The following RMST variants were observed in gnomAD, a reference collection of about 807,000 sequenced individuals.
The protein encoded by RMST is long intergenic non-protein coding RNA 54.
At chr12:97,534,707 G>A (rs755170356) in intron 11 of RMST, among the ~76,000 whole-genome samples, 13 of 151,652 alleles carry the variant, frequency 8.6e-5, no homozygotes, top group African/African-American at 1.9e-4. Flanking sequence ...TCTATCAATC[G>A]GTTTCCACCT....
chr12:97,540,929 G>A (rs1365512597), intron 11 of RMST, among the ~76,000 whole-genome samples: 2 of 136,238 alleles, frequency 1.5e-5, no homozygotes, highest in Non-Finnish European at 3.2e-5. Context: ...TAGATAAATA[G>A]ATAGAGAGAT....
intron 10 of RMST, among the ~76,000 whole-genome samples, chr12:97,507,296 A>AT (rs1250849605): frequency 6.6e-6 from 1 of 151,366 alleles, no homozygotes; most frequent in Non-Finnish European, 1.5e-5. Context: ...TTAAAAAAAA[A>AT]AAGATGGCTA....
chr12:97,518,129 T>A (rs945164455), intron 10 of RMST, among the ~76,000 whole-genome samples: 1 of 152,182 alleles, frequency 6.6e-6, no homozygotes, highest in Non-Finnish European at 1.5e-5. Flanking sequence ...TTATCAGAGA[T>A]AAAGTAGAGC....
intron 5 of RMST, among the ~76,000 whole-genome samples, chr12:97,476,739 T>A (rs184859136): frequency 2.6e-5 from 4 of 152,116 alleles, no homozygotes; most frequent in Admixed American, 6.6e-5. Context: ...TGGACAGTAC[T>A]CCAAAAGGCT....
intron 10 of RMST, among the ~76,000 whole-genome samples, chr12:97,524,172 G>A (rs1367776165): frequency 1.3e-5 from 2 of 149,248 alleles, no homozygotes; most frequent in Non-Finnish European, 3.0e-5. Flanking sequence ...TGTAACATCC[G>A]TGGTGGAATA....
chr12:97,474,788 C>T (rs1874351408), intron 5 of RMST, among the ~76,000 whole-genome samples: 1 of 152,072 alleles, frequency 6.6e-6, no homozygotes, highest in South Asian at 2.1e-4. Flanking sequence ...TTCACTTTCA[C>T]TTGCTGGATC....
chr12:97,552,340 A>T (rs539601195), intron 11 of RMST: 2 of 152,344 alleles, frequency 1.3e-5, no homozygotes, highest in Non-Finnish European at 2.9e-5. Flanking sequence ...AAGTGAAATA[A>T]AATTAGCCAA....
At chr12:97,505,323 G>A (rs531285222) in intron 10 of RMST, among the ~76,000 whole-genome samples, 1 of 152,362 alleles carries the variant, frequency 6.6e-6, no homozygotes, top group East Asian at 1.9e-4. Context: ...CGTCAAATAA[G>A]TGGCTGCTTG....
chr12:97,481,421 TA>T (rs1428207511), intron 5 of RMST, among the ~76,000 whole-genome samples: 1 of 152,234 alleles, frequency 6.6e-6, no homozygotes, highest in African/African-American at 2.4e-5. Flanking sequence ...AGGTCTATTT[TA>T]TGTTAGCTTT....
At chr12:97,478,202 T>A (rs1489730601) in intron 5 of RMST, among the ~76,000 whole-genome samples, 2 of 152,258 alleles carry the variant, frequency 1.3e-5, no homozygotes, top group Non-Finnish European at 2.9e-5. Flanking sequence ...GAAGGCTCTT[T>A]GTATAGCTAT....
At chr12:97,511,783 A>G (rs1369402105) in intron 10 of RMST, among the ~76,000 whole-genome samples, 2 of 152,222 alleles carry the variant, frequency 1.3e-5, no homozygotes, top group Non-Finnish European at 2.9e-5. Context: ...ACTAGGGGGT[A>G]TGAAAATGGC....
intron 10 of RMST, among the ~76,000 whole-genome samples, chr12:97,499,714 C>T (rs1197358135): frequency 7.0e-6 from 1 of 142,108 alleles, no homozygotes; most frequent in Non-Finnish European, 1.5e-5. Context: ...GACTGGAGTG[C>T]AATGGCACGA....
intron 7 of RMST, chr12:97,493,744 T>A (rs2136457186): frequency 6.6e-6 from 1 of 152,342 alleles, no homozygotes; most frequent in East Asian, 1.9e-4. Flanking sequence ...AAGCTATGTA[T>A]TTTTCCAGCT....
chr12:97,548,742 G>GT (rs1279117781), intron 11 of RMST, among the ~76,000 whole-genome samples: 2 of 151,888 alleles, frequency 1.3e-5, no homozygotes, highest in East Asian at 1.9e-4. Flanking sequence ...GCTATAACAG[G>GT]TTTTTTTGTA....
intron 10 of RMST, among the ~76,000 whole-genome samples, chr12:97,528,865 G>A (rs1186429145): frequency 1.3e-5 from 2 of 152,054 alleles, no homozygotes; most frequent in Non-Finnish European, 2.9e-5. Context: ...TAATGGATGG[G>A]ATAGAAACAG....
chr12:97,476,723 G>T (rs11109051), intron 5 of RMST, among the ~76,000 whole-genome samples: 5,573 of 152,090 alleles, frequency 0.037, 356 homozygotes, highest in African/African-American at 0.13. Flanking sequence ...TTTTCAAAAT[G>T]GTGTCTGGAC....
At chr12:97,493,403 A>G (rs1401328346) in intron 7 of RMST, 1 of 152,610 alleles carries the variant, frequency 6.6e-6, no homozygotes, top group Non-Finnish European at 1.5e-5. Context: ...AGAATTAGTG[A>G]TACTTTTTTC....
chr12:97,506,872 C>T lies in RMST; in HGVS notation n.1340+10816C>T, dbSNP rs998053794. Among the ~76,000 whole-genome samples the T allele has an allele frequency of 7.3e-5, 11 of 151,698 alleles. No individual in the cohort carries two copies. The East Asian group carries it at 7.8e-4, about 11-fold the overall frequency. ...CTAATTTTTATATTTTTAGTAGAGA[C>T]GGGGTTTAACTATGTTGGCCAGGCT... On this transcript the variant is annotated intron_variant and non_coding_transcript_variant, in intron 10 of 13. Coordinates refer to ENST00000640149, the Ensembl canonical transcript of RMST.
intron 4 of RMST, among the ~76,000 whole-genome samples, chr12:97,465,460 T>C (rs543366896): frequency 2.3e-4 from 35 of 152,280 alleles, no homozygotes; most frequent in African/African-American, 8.4e-4. Flanking sequence ...TGAGCCCTTA[T>C]CCATTTCCCG....
Sources: gnomAD v4.1 joint callset for allele counts (sites outside exome capture counted in the v4.1 genomes callset) on GRCh38, gnomAD v4.1.1 for gene constraint, MANE v1.5 for transcripts, NCBI Gene and HGNC (gene_info 2026-07-23, HGNC 2026-07-21) for gene names.